AGPS: variants seen among roughly 807,000 people sequenced by gnomAD.
AGPS encodes alkylglycerone phosphate synthase, also known as alkyldihydroxyacetonephosphate synthase, peroxisomal.
In AGPS, 26 loss-of-function variants were observed where a neutral mutation model predicts 90.7. The ratio of observed to expected loss-of-function variants is 0.29; its 90% CI spans 0.21 to 0.40. The LOEUF is 0.40. AGPS is among the 10% of genes least tolerant of loss of function. The pLI is 1.00. For synonymous variants in AGPS, 294 were observed against 285.3 expected, an observed-to-expected ratio of 1.03 and a Z score of -0.31; for missense variants, 540 against 816.1, an observed-to-expected ratio of 0.66 and a Z score of 4.12.
intron 12 of AGPS, among the ~76,000 whole-genome samples, chr2:177,496,786 A>G (rs1432785230): frequency 6.6e-6 from 1 of 152,140 alleles, no homozygotes; most frequent in African/African-American, 2.4e-5. Context: ...AGAAACAGCT[A>G]GTTTGCTCTT....
At position 177,482,198 on chromosome 2, in the gene AGPS, A is replaced by AAAT; in HGVS notation, c.1233+13_1233+14insATA. On this transcript the variant is annotated intron_variant, in intron 11 of 19. Transcript: ENST00000264167. Reference sequence around the variant, plus strand: ...AAATTGCAAAACAGGTAAAAGAAAAAATATATATATATACATACATACATA... The same window carrying AAAT: ...AAATTGCAAAACAGGTAAAAGAAAAAAATATATATATATATACATACATACATA... 7.2e-7 allele frequency: 1 copy of AAAT among 1,385,708 alleles called. No individual in the cohort carries two copies. The highest frequency in any genetic ancestry group is 1.0e-6 in the Non-Finnish European group (1 of 1,004,754). The allele number at this position is 1,385,708 out of a possible 1,614,324, so 85.8% of individuals were successfully genotyped here. A position where few individuals can be genotyped will look rare whatever the true frequency, so the allele number is the denominator to read the frequency against.
chr2:177,483,287 CAT>C (rs1688000677), intron 11 of AGPS, among the ~76,000 whole-genome samples: 1 of 152,078 alleles, frequency 6.6e-6, no homozygotes, highest in Non-Finnish European at 1.5e-5. Context: ...TATTTACTCA[CAT>C]ATATATATCA....
intron 1 of AGPS, among the ~76,000 whole-genome samples, chr2:177,419,990 A>C (rs1277582170): frequency 6.6e-6 from 1 of 151,856 alleles, no homozygotes. Flanking sequence ...TATTTTAAGC[A>C]TATCTTCTTC....
At position 177,471,923 on chromosome 2, in the gene AGPS, C is replaced by T. The variant is rs139065322; in HGVS notation, c.1105+3399C>T. On this transcript the variant is annotated intron_variant, in intron 10 of 19. Coordinates refer to ENST00000264167, the MANE Select transcript of AGPS (RefSeq NM_003659.4). Reference sequence around the variant, plus strand: ...ATACCTGTTTAATTTTCTTAGTAGGCTAATTTTCTCTTTTTGCCTGGAGGC... The same window carrying T: ...ATACCTGTTTAATTTTCTTAGTAGGTTAATTTTCTCTTTTTGCCTGGAGGC... 6.8e-3 allele frequency among the ~76,000 whole-genome samples: 1,034 copies of T among 152,044 alleles called. 11 individuals carry two copies. Among genetic ancestry groups the T allele is most frequent in the African/African-American group, 0.024 (982 of 41,528 alleles).
chr2:177,401,156 A>G (rs965063049), intron 1 of AGPS, among the ~76,000 whole-genome samples: 20 of 152,344 alleles, frequency 1.3e-4, no homozygotes, highest in Non-Finnish European at 2.1e-4. Context: ...AAATAGGCAC[A>G]TGTGGCTAGT....
chr2:177,404,512 T>G (rs1685413443), intron 1 of AGPS, among the ~76,000 whole-genome samples: 1 of 152,106 alleles, frequency 6.6e-6, no homozygotes. Context: ...TGTTGCAGAA[T>G]TGAACTTCAC....
chr2:177,468,670 A>G, intron 10 of AGPS, 146 bp downstream of exon 10: 2 of 619,338 alleles, frequency 3.2e-6, no homozygotes, highest in Non-Finnish European at 5.5e-6. Flanking sequence ...TTAAGACTAT[A>G]AAGTTTTATT....
chr2:177,437,357 G>A (rs1686444582), intron 5 of AGPS, among the ~76,000 whole-genome samples: 1 of 152,062 alleles, frequency 6.6e-6, no homozygotes, highest in African/African-American at 2.4e-5. Context: ...ATTAGTGTCA[G>A]TAATACATTC....
intron 19 of AGPS, among the ~76,000 whole-genome samples, chr2:177,535,614 C>G (rs560218811): frequency 2.8e-4 from 43 of 152,098 alleles, no homozygotes; most frequent in Non-Finnish European, 4.9e-4. Context: ...ATAAGGTTCT[C>G]CAGAATCTCA....
rs1015705875 is a variant in AGPS at position 177,543,253 on chromosome 2, G to A, written c.*5058G>A. On this transcript the variant is annotated 3_prime_UTR_variant, in exon 20 of 20. Transcript: ENST00000264167. Reference sequence around the variant, plus strand: ...AGCAGAACCTGTGGAGCTGGGGAGTGCGGGTGGTTTCTATTCCTAATATTG... The same window carrying A: ...AGCAGAACCTGTGGAGCTGGGGAGTACGGGTGGTTTCTATTCCTAATATTG... The A allele has an allele frequency of 2.0e-5, 3 of 152,172 alleles. No homozygotes were observed. The highest frequency in any genetic ancestry group is 4.4e-5 in the Non-Finnish European group (3 of 68,038). The allele number at this position is 152,172 out of a possible 1,614,324, so 9.4% of individuals were successfully genotyped here. A position where few individuals can be genotyped will look rare whatever the true frequency, so the allele number is the denominator to read the frequency against.
rs575546788 is a variant in AGPS, at chr2:177,527,351, C to T, written c.1855+3546C>T. Among the ~76,000 whole-genome samples the T allele has an allele frequency of 2.0e-5, 3 of 152,242 alleles. No homozygotes were observed. The East Asian group carries it at 5.8e-4, about 29-fold the overall frequency. Reference sequence around the variant, plus strand: ...GCTGAGGTAGGAGGATTGCTTGACCCTGGGAGGTTGAGGTTGCAGTGAGCC... The same window carrying T: ...GCTGAGGTAGGAGGATTGCTTGACCTTGGGAGGTTGAGGTTGCAGTGAGCC... On this transcript the variant is annotated intron_variant, in intron 19 of 19. Coordinates refer to ENST00000264167, the MANE Select transcript of AGPS (RefSeq NM_003659.4).
At chr2:177,471,901 C>T (rs1687634390) in intron 10 of AGPS, among the ~76,000 whole-genome samples, 1 of 151,976 alleles carries the variant, frequency 6.6e-6, no homozygotes, top group African/African-American at 2.4e-5. Context: ...AAATATGATA[C>T]CTGTTTAATT....
chr2:177,448,167 C>T (rs931301469), intron 8 of AGPS, among the ~76,000 whole-genome samples: 3 of 152,006 alleles, frequency 2.0e-5, no homozygotes, highest in African/African-American at 7.2e-5. Context: ...TCACTGCAAA[C>T]CTCAATATAG....
At chr2:177,404,293 G>C (rs1372529285) in intron 1 of AGPS, among the ~76,000 whole-genome samples, 1 of 152,090 alleles carries the variant, frequency 6.6e-6, no homozygotes, top group Non-Finnish European at 1.5e-5. Flanking sequence ...ATGAGAAGGA[G>C]GGAGAGCTAA....
chr2:177,496,765 G>A (rs1011805848), intron 12 of AGPS, among the ~76,000 whole-genome samples: 78 of 152,176 alleles, frequency 5.1e-4, no homozygotes, highest in African/African-American at 1.7e-3. Context: ...AAAACTACCA[G>A]TGATAGTTTT....
chr2:177,449,084 T>G (rs1442994624), intron 8 of AGPS, among the ~76,000 whole-genome samples: 2 of 152,228 alleles, frequency 1.3e-5, no homozygotes, highest in Non-Finnish European at 2.9e-5. Context: ...TGTTTATACA[T>G]TCACCTGTTG....
intron 8 of AGPS, among the ~76,000 whole-genome samples, chr2:177,455,085 G>C (rs2105656512): frequency 6.6e-6 from 1 of 152,208 alleles, no homozygotes; most frequent in East Asian, 1.9e-4. Flanking sequence ...GCGTGGCCCA[G>C]GGAAGCCAAA....
chr2:177,452,201 T>A (rs1223980756), intron 8 of AGPS, among the ~76,000 whole-genome samples: 1 of 152,232 alleles, frequency 6.6e-6, no homozygotes, highest in Non-Finnish European at 1.5e-5. Flanking sequence ...TAGGTCAGAT[T>A]GACTTATAAT....
intron 10 of AGPS, 141 bp downstream of exon 10, chr2:177,468,665 A>G: frequency 1.6e-6 from 1 of 636,466 alleles, no homozygotes; most frequent in Admixed American, 2.9e-5. Flanking sequence ...TCATTTTAAG[A>G]CTATAAAGTT....
Sources: gnomAD v4.1 joint callset for allele counts (sites outside exome capture counted in the v4.1 genomes callset) on GRCh38, gnomAD v4.1.1 for gene constraint, MANE v1.5 for transcripts, NCBI Gene and HGNC (gene_info 2026-07-23, HGNC 2026-07-21) for gene names.